NREP: variants seen among roughly 807,000 people sequenced by gnomAD.
The protein encoded by NREP is neuronal regeneration related protein.
In NREP, 5 loss-of-function variants were observed where a neutral mutation model predicts 8.6. That is an observed-to-expected ratio of 0.58 (90% confidence interval 0.30 to 1.22). The LOEUF is 1.22. Among genes scored for constraint, NREP ranks in the 50% most tolerant of loss-of-function variants. The pLI is 0.07. For synonymous variants in NREP, 27 were observed against 28.0 expected, an observed-to-expected ratio of 0.96 and a Z score of 0.11; for missense variants, 86 against 82.5, an observed-to-expected ratio of 1.04 and a Z score of -0.17.
intron 2 of NREP, among the ~76,000 whole-genome samples, chr5:111,841,639 C>T (rs1211059126): frequency 6.6e-6 from 1 of 151,976 alleles, no homozygotes; most frequent in East Asian, 1.9e-4. Flanking sequence ...TGTTCGTAAA[C>T]CTGGGGTTCC....
exon 1 of NREP, chr5:111,976,825 A>G: frequency 9.4e-7 from 1 of 1,064,792 alleles, no homozygotes; most frequent in South Asian, 1.4e-5. Context: ...ACAGCTCAGG[A>G]CACAGCTCTG....
chr5:111,893,313 T>G (rs1293773358), intron 2 of NREP, among the ~76,000 whole-genome samples: 1 of 152,194 alleles, frequency 6.6e-6, no homozygotes, highest in African/African-American at 2.4e-5. Context: ...AGATTCTATG[T>G]AAACTGTGAG....
chr5:111,773,921 C>G (rs1751295969), intron 2 of NREP, among the ~76,000 whole-genome samples: 1 of 152,132 alleles, frequency 6.6e-6, no homozygotes, highest in South Asian at 2.1e-4. Context: ...AAAGACCACA[C>G]TCCTGGACCA....
At chr5:111,885,748 C>T (rs1385096822) in intron 2 of NREP, among the ~76,000 whole-genome samples, 1 of 152,174 alleles carries the variant, frequency 6.6e-6, no homozygotes, top group African/African-American at 2.4e-5. Flanking sequence ...ATAAATGGTG[C>T]TGGGAAAACT....
chr5:111,922,887 C>G (rs1481946926), intron 2 of NREP, among the ~76,000 whole-genome samples: 1 of 152,134 alleles, frequency 6.6e-6, no homozygotes, highest in East Asian at 1.9e-4. Context: ...AGAGGGGCTT[C>G]AAGGGTGTTG....
At chr5:111,760,508 T>A (rs1260395047), upstream of NREP, among the ~76,000 whole-genome samples, 1 of 152,124 alleles carries the variant, frequency 6.6e-6, no homozygotes, top group African/African-American at 2.4e-5. Context: ...AAAGCCAAAG[T>A]GAAGGTGCAG....
chr5:111,791,303 A>C (rs1161478846), intron 2 of NREP, among the ~76,000 whole-genome samples: 1 of 152,120 alleles, frequency 6.6e-6, no homozygotes, highest in Non-Finnish European at 1.5e-5. Flanking sequence ...TGTACAAGAG[A>C]TTCCTTGAAC....
At chr5:111,884,308 G>C (rs1438492228) in intron 2 of NREP, among the ~76,000 whole-genome samples, 1 of 151,624 alleles carries the variant, frequency 6.6e-6, no homozygotes, top group Non-Finnish European at 1.5e-5. Flanking sequence ...CCAATAACAG[G>C]AGCTGAAATT....
At chr5:111,761,164 A>G (rs920597896), upstream of NREP, among the ~76,000 whole-genome samples, 7 of 152,222 alleles carry the variant, frequency 4.6e-5, no homozygotes, top group African/African-American at 1.7e-4. Flanking sequence ...GACTGTGTAC[A>G]GTGTTTAGCA....
chr5:111,829,389 A>G (rs1752708724), intron 2 of NREP, among the ~76,000 whole-genome samples: 1 of 152,218 alleles, frequency 6.6e-6, no homozygotes, highest in African/African-American at 2.4e-5. Context: ...ACTCTAATTC[A>G]GAAGACCAAA....
rs530543859 is a variant in NREP at position 111,828,249 on chromosome 5, C to T, written c.136-92742G>A. 1.6e-3 allele frequency among the ~76,000 whole-genome samples: 236 copies of T among 152,148 alleles called. 1 individual carries two copies. The highest frequency in any genetic ancestry group is 7.2e-4 in the Non-Finnish European group (49 of 67,996). On this transcript the variant is annotated intron_variant, in intron 2 of 3. Coordinates refer to the NREP transcript ENST00000395634. ...TTCTCTGTGTTGGTCAGGCTAGTTG[C>T]GAACTCTCAACCTCAAGTGATCCAC...
chr5:111,746,357 T>TA (rs972877638), intron 2 of NREP, among the ~76,000 whole-genome samples: 7 of 151,770 alleles, frequency 4.6e-5, no homozygotes, highest in African/African-American at 1.5e-4. Context: ...TATCAAGAAG[T>TA]AAAAAAAATA....
At chr5:111,881,085 T>G (rs1370617669) in intron 2 of NREP, among the ~76,000 whole-genome samples, 1 of 152,096 alleles carries the variant, frequency 6.6e-6, no homozygotes, top group Admixed American at 6.5e-5. Context: ...AAGAAAGTGG[T>G]GACAGACGGC....
chr5:111,767,268 A>G (rs1277437077), intron 2 of NREP, among the ~76,000 whole-genome samples: 3 of 152,130 alleles, frequency 2.0e-5, no homozygotes, highest in African/African-American at 7.2e-5. Context: ...AATTTTCACA[A>G]AATGTACCAT....
chr5:111,926,816 TCCCTGAG>T (rs1437027899), intron 2 of NREP, among the ~76,000 whole-genome samples: 1 of 151,676 alleles, frequency 6.6e-6, no homozygotes, highest in African/African-American at 2.4e-5. Context: ...CTTCCTTTGT[TCCCTGAG>T]CCCTGGCATC....
At chr5:111,934,734 A>C (rs149879124) in intron 2 of NREP, among the ~76,000 whole-genome samples, 2 of 152,232 alleles carry the variant, frequency 1.3e-5, no homozygotes, top group African/African-American at 4.8e-5. Flanking sequence ...GGCCCAACAC[A>C]GGATTATCCC....
At chr5:111,789,954 G>A (rs1253429876) in intron 2 of NREP, among the ~76,000 whole-genome samples, 8 of 152,008 alleles carry the variant, frequency 5.3e-5, no homozygotes, top group African/African-American at 1.9e-4. Flanking sequence ...TTTATGTAGA[G>A]GAGAAAATAC....
chr5:111,751,170 G>A (rs539830482), intron 2 of NREP, among the ~76,000 whole-genome samples: 12 of 152,260 alleles, frequency 7.9e-5, no homozygotes, highest in Non-Finnish European at 1.6e-4. Flanking sequence ...AGCACTATAT[G>A]AAGTTTATAA....
chr5:111,820,078 T>C (rs1752481852), intron 2 of NREP, among the ~76,000 whole-genome samples: 1 of 152,186 alleles, frequency 6.6e-6, no homozygotes, highest in African/African-American at 2.4e-5. Context: ...CTGGTCTCCA[T>C]AGCTCACATT....
Sources: allele counts gnomAD v4.1 joint callset (sites outside exome capture counted in the v4.1 genomes callset), GRCh38; gene constraint gnomAD v4.1.1; transcripts MANE v1.5; gene names NCBI Gene and HGNC (gene_info 2026-07-23, HGNC 2026-07-21).